Variants in MICU1 observed in about 807,000 individuals in gnomAD.
The protein encoded by MICU1 is mitochondrial calcium uptake 1.
Under a neutral mutation model 56.8 loss-of-function variants are expected in MICU1, and 45 were observed. The observed-to-expected ratio is 0.79, with a 90% CI of 0.62 to 1.02. The LOEUF is 1.02. Among genes scored for constraint, MICU1 ranks in the 50% least tolerant of loss-of-function variants. The pLI, the probability that MICU1 is intolerant of heterozygous loss-of-function variation, is 0.00. For synonymous variants in MICU1, 186 were observed against 195.1 expected, an observed-to-expected ratio of 0.95 and a Z score of 0.39; for missense variants, 504 against 587.1, an observed-to-expected ratio of 0.86 and a Z score of 1.46.
At chr10:72,550,621 T>C (rs954251354) in intron 4 of MICU1, among the ~76,000 whole-genome samples, 4 of 152,224 alleles carry the variant, frequency 2.6e-5, no homozygotes, top group Admixed American at 2.6e-4. Flanking sequence ...CCAATCAATA[T>C]ATAACTTTGT....
At chr10:72,568,829 T>C (rs936364664) in intron 1 of MICU1, among the ~76,000 whole-genome samples, 36 of 144,106 alleles carry the variant, frequency 2.5e-4, no homozygotes, top group Admixed American at 1.1e-3. Context: ...CTCGGCTCAC[T>C]GCAACCTCCA....
intron 10 of MICU1, among the ~76,000 whole-genome samples, chr10:72,389,643 T>C (rs1248087357): frequency 1.3e-5 from 2 of 152,204 alleles, no homozygotes; most frequent in Non-Finnish European, 1.5e-5. Context: ...TTTTCTGATT[T>C]TATAGTTCAA....
At chr10:72,614,273 T>C (rs141049617) in intron 1 of MICU1, among the ~76,000 whole-genome samples, 65 of 151,240 alleles carry the variant, frequency 4.3e-4, no homozygotes, top group Admixed American at 1.4e-3. Flanking sequence ...ACACTGCTGA[T>C]AGGAATATAA....
At chr10:72,567,087 G>A (rs1840458944) in intron 1 of MICU1, among the ~76,000 whole-genome samples, 1 of 152,088 alleles carries the variant, frequency 6.6e-6, no homozygotes, top group Non-Finnish European at 1.5e-5. Flanking sequence ...TGTGGCTCAT[G>A]CCTGTAATCT....
intron 6 of MICU1, among the ~76,000 whole-genome samples, chr10:72,493,078 T>C (rs549480793): frequency 2.6e-5 from 4 of 152,034 alleles, no homozygotes; most frequent in East Asian, 1.9e-4. Flanking sequence ...AATTGTGCCA[T>C]TGCACTCCAG....
chr10:72,472,609 A>G (rs1183887338), intron 8 of MICU1, among the ~76,000 whole-genome samples: 1 of 152,194 alleles, frequency 6.6e-6, no homozygotes, highest in African/African-American at 2.4e-5. Context: ...TAAGAAAAAA[A>G]AAGAAAAAAG....
intron 4 of MICU1, among the ~76,000 whole-genome samples, chr10:72,538,823 A>G (rs1402407165): frequency 6.6e-6 from 1 of 152,104 alleles, no homozygotes; most frequent in Non-Finnish European, 1.5e-5. Flanking sequence ...ATTTTTTTTA[A>G]AAAGACCCAA....
chr10:72,381,043 C>A (rs780011522), intron 10 of MICU1, among the ~76,000 whole-genome samples: 2 of 152,178 alleles, frequency 1.3e-5, no homozygotes, highest in African/African-American at 2.4e-5. Context: ...CAACAGCAAT[C>A]CAACGAAAAG....
intron 1 of MICU1, among the ~76,000 whole-genome samples, chr10:72,590,450 A>G (rs972459727): frequency 6.6e-6 from 1 of 152,236 alleles, no homozygotes. Flanking sequence ...GTTCTAGAAT[A>G]ATAGGTAGAG....
At chr10:72,406,630 T>C (rs1159534924) in intron 10 of MICU1, among the ~76,000 whole-genome samples, 1 of 148,360 alleles carries the variant, frequency 6.7e-6, no homozygotes, top group African/African-American at 2.5e-5. Flanking sequence ...AAGAGAGAGA[T>C]GGGGTCTCAC....
At chr10:72,434,793 GAAAATATTA>G (rs768668328) in intron 8 of MICU1, among the ~76,000 whole-genome samples, 2 of 152,202 alleles carry the variant, frequency 1.3e-5, no homozygotes, top group Admixed American at 1.3e-4. Flanking sequence ...CTGCTTAGAT[GAAAATATTA>G]ATACAACACA....
chr10:72,577,170 T>G (rs1164595643), intron 1 of MICU1, among the ~76,000 whole-genome samples: 2 of 151,788 alleles, frequency 1.3e-5, no homozygotes, highest in East Asian at 3.9e-4. Flanking sequence ...TAATGGACTC[T>G]GGGGGCTCTG....
At chr10:72,578,388 G>C (rs1262946827) in intron 1 of MICU1, among the ~76,000 whole-genome samples, 1 of 150,916 alleles carries the variant, frequency 6.6e-6, no homozygotes, top group Non-Finnish European at 1.5e-5. Flanking sequence ...CTCCAGAGTA[G>C]CAGGGATTAC....
chr10:72,583,332 G>A (rs1325830881), intron 1 of MICU1, among the ~76,000 whole-genome samples: 2 of 150,516 alleles, frequency 1.3e-5, no homozygotes, highest in Non-Finnish European at 1.5e-5. Flanking sequence ...CCAGGCTGGA[G>A]TGCAGTGGTG....
chr10:72,456,134 T>C (rs1651428961), intron 8 of MICU1, among the ~76,000 whole-genome samples: 1 of 152,062 alleles, frequency 6.6e-6, no homozygotes, highest in Admixed American at 6.6e-5. Context: ...AGAAAGGCAA[T>C]GAGGTCTGAA....
intron 1 of MICU1, among the ~76,000 whole-genome samples, chr10:72,601,997 A>T (rs976560333): frequency 5.3e-5 from 8 of 150,504 alleles, no homozygotes; most frequent in African/African-American, 1.9e-4. Context: ...ATGAGGTTTC[A>T]CCATATTGGC....
chr10:72,481,490 C>A (rs1866294357), intron 6 of MICU1, among the ~76,000 whole-genome samples: 1 of 152,136 alleles, frequency 6.6e-6, no homozygotes, highest in Non-Finnish European at 1.5e-5. Flanking sequence ...TGGCTCACTG[C>A]AGCCTTTGCC....
At chr10:72,480,132 T>G (rs911790114) in intron 6 of MICU1, among the ~76,000 whole-genome samples, 8 of 152,158 alleles carry the variant, frequency 5.3e-5, no homozygotes, top group African/African-American at 1.9e-4. Context: ...AAATGCAAAC[T>G]GCAGTGATGG....
At chr10:72,545,538 G>A (rs2132432601) in intron 4 of MICU1, among the ~76,000 whole-genome samples, 1 of 152,372 alleles carries the variant, frequency 6.6e-6, no homozygotes, top group East Asian at 1.9e-4. Context: ...TTGGTTGAAA[G>A]AGTTAAATTA....
Sources: allele counts gnomAD v4.1 joint callset (sites outside exome capture counted in the v4.1 genomes callset), GRCh38; gene constraint gnomAD v4.1.1; transcripts MANE v1.5; gene names NCBI Gene and HGNC (gene_info 2026-07-23, HGNC 2026-07-21).